The following GAD1 variants were observed in gnomAD, a reference collection of about 807,000 sequenced individuals.
GAD1 encodes 67 kDa glutamic acid decarboxylase.
A neutral mutation model predicts 75.2 loss-of-function variants in GAD1; 35 were observed. That is an observed-to-expected ratio of 0.47 (90% CI 0.36 to 0.62). GAD1 has a LOEUF of 0.62. Ranked by LOEUF, GAD1 falls within the 20% of genes least tolerant of loss-of-function variation. The probability of loss-of-function intolerance (pLI) is 0.00; values close to 1 mark genes in which losing one functional copy is unlikely to be tolerated. For synonymous variants in GAD1, 257 were observed against 271.9 expected (o/e 0.95, Z 0.54); for missense variants, 490 against 758.5 (o/e 0.65, Z 4.16).
Position 170,829,858 on chromosome 2 carries a change from T to C in GAD1, c.304+225T>C, listed in dbSNP as rs1295994506. On this transcript the variant is annotated intron_variant, in intron 4 of 16. Transcript: ENST00000358196. ...ACTGGATGAAGGCAGTCAATAAAAGTCAACTCTAAAGACACTCGAGGGAAC... is the reference window on the plus strand; with the variant it reads ...ACTGGATGAAGGCAGTCAATAAAAGCCAACTCTAAAGACACTCGAGGGAAC... 2.9e-5 allele frequency: 16 copies of C among 555,042 alleles called. No individual in the cohort carries two copies. In the East Asian group the frequency reaches 5.0e-4, roughly 17 times the overall value. 34.4% of individuals were successfully genotyped at this position (555,042 alleles called of 1,614,324 possible).
rs765098259 is a variant in GAD1, at chr2:170,845,486, A to G, written c.752-20A>G. On this transcript the variant is annotated intron_variant, in intron 7 of 16. Coordinates refer to ENST00000358196, the MANE Select transcript of GAD1 (RefSeq NM_000817.3). ...AATCAAAGAGCCCCAACACCTCCCA[A>G]TATGTCCGCTTGCTGACAGGGGGCG... is the stretch of plus-strand genomic sequence containing the variant. 3 of 1,603,482 alleles carry G rather than the reference A, an allele frequency of 1.9e-6. No homozygotes were observed. The highest frequency in any genetic ancestry group is 1.7e-6 in the Non-Finnish European group (2 of 1,171,464).
At position 170,828,076 on chromosome 2, in the gene GAD1, CTG is replaced by C. The variant is rs1245071368; in HGVS notation, c.146-1398_146-1397del. 7.6e-3 allele frequency among the ~76,000 whole-genome samples: 238 copies of C among 31,448 alleles called. 5 individuals are homozygous for C. Among genetic ancestry groups the C allele is most frequent in the African/African-American group, 0.042 (230 of 5,470 alleles). 20.6% of individuals were successfully genotyped at this position (31,448 alleles called of 152,430 possible). Reference sequence around the variant, plus strand: ...CCCTCCTCCTTCTGCTGTCCTCCCTCTGCTGTCCTCACCCCTCCTCCTTCTGC... The same window carrying C: ...CCCTCCTCCTTCTGCTGTCCTCCCTCCTGTCCTCACCCCTCCTCCTTCTGC... On this transcript the variant is annotated intron_variant, in intron 3 of 16. Coordinates refer to ENST00000358196, the MANE Select transcript of GAD1 (RefSeq NM_000817.3).
chr2:170,826,018 C>T (rs1702017206), intron 3 of GAD1, among the ~76,000 whole-genome samples: 1 of 152,188 alleles, frequency 6.6e-6, no homozygotes, highest in Admixed American at 6.5e-5. Context: ...CAGGGCCTCT[C>T]AGAGCCAAGG....
upstream of GAD1, among the ~76,000 whole-genome samples, chr2:170,814,236 A>G (rs776323607): frequency 1.6e-4 from 24 of 152,158 alleles, no homozygotes; most frequent in Non-Finnish European, 2.9e-4. Flanking sequence ...TCACCCCCCA[A>G]CTAGGCAAAA....
At chr2:170,836,972 T>C (rs1575436479) in intron 6 of GAD1, 89 bp downstream of exon 6, 1 of 899,816 alleles carries the variant, frequency 1.1e-6, no homozygotes. Flanking sequence ...TTCTATTTTA[T>C]TAAAGTTTCC....
rs45601834 is a variant in GAD1 at position 170,844,219 on chromosome 2, G to A, written c.751+62G>A. On this transcript the variant is annotated intron_variant, in intron 7 of 16. Coordinates refer to ENST00000358196, the MANE Select transcript of GAD1 (RefSeq NM_000817.3). ...GATTCTTAAGAATACAAAATATGAA[G>A]TAGGTTTATGGAAGAATAATGCCTT... 5,759 of 963,948 alleles carry A rather than the reference G, an allele frequency of 6.0e-3. 214 individuals are homozygous for A. In the African/African-American group the frequency reaches 0.082, roughly 14 times the overall value. The allele number at this position is 963,948 out of a possible 1,614,324, so 59.7% of individuals were successfully genotyped here.
chr2:170,856,561 T>C (rs1258256249), intron 14 of GAD1, among the ~76,000 whole-genome samples: 3 of 152,208 alleles, frequency 2.0e-5, no homozygotes, highest in Non-Finnish European at 4.4e-5. Flanking sequence ...GATTAATTGT[T>C]AGAAAAATGA....
intron 6 of GAD1, chr2:170,842,753 C>G (rs988266071): frequency 6.5e-6 from 10 of 1,530,362 alleles, no homozygotes; most frequent in African/African-American, 1.4e-5. Flanking sequence ...ATACTTCTAC[C>G]AACATATCTG....
chr2:170,844,335 T>A (rs2105798078), intron 7 of GAD1, among the ~76,000 whole-genome samples, 178 bp downstream of exon 7: 1 of 152,252 alleles, frequency 6.6e-6, no homozygotes, highest in South Asian at 2.1e-4. Flanking sequence ...TAACAAAGGC[T>A]ATGCTTAAAT....
Position 170,857,011 on chromosome 2 carries a change from A to G in GAD1, c.1414-7A>G, listed in dbSNP as rs935452467. On this transcript the variant is annotated splice_polypyrimidine_tract_variant and splice_region_variant and intron_variant, in intron 14 of 16. Coordinates refer to ENST00000358196, the MANE Select transcript of GAD1 (RefSeq NM_000817.3). ...AACCACAAACATGACTTTTCTCTTT[A>G]AAACAGGGCACAGTGGGATTTGAAA... The G allele has an allele frequency of 3.7e-6, 6 of 1,611,746 alleles. No homozygotes were observed. The highest frequency in any genetic ancestry group is 3.4e-6 in the Non-Finnish European group (4 of 1,177,978).
Position 170,830,955 on chromosome 2 carries a change from C to T in GAD1, c.310C>T (p.Leu104Phe), listed in dbSNP as rs1463708224. Residue 104 changes from leucine (L) to phenylalanine (F), a missense_variant, in exon 5 of 17, where the codon CTT becomes TTT. Around this residue, in one of 3 missense-constraint regions of GAD1, gnomAD observed 165 missense variants for 216.4 expected, o/e 0.76. Transcript: ENST00000358196. ...CATTGCTCTCCCCAATTCAGATCTGCTTCCGGCTAAGAACGGTGAGGAGCA... is the reference window on the plus strand; with the variant it reads ...CATTGCTCTCCCCAATTCAGATCTGTTTCCGGCTAAGAACGGTGAGGAGCA... ...DFSNLFARDL[L>F]PAKNGEEQTV... The T allele has an allele frequency of 1.2e-6, 2 of 1,614,204 alleles. No individual in the cohort carries two copies. Among genetic ancestry groups the T allele is most frequent in the Non-Finnish European group, 1.7e-6 (2 of 1,180,036 alleles).
chr2:170,858,768 C>T (rs201227203), intron 15 of GAD1, 36 bp from the exon 16 acceptor site: 76 of 1,595,020 alleles, frequency 4.8e-5, no homozygotes, highest in Non-Finnish European at 6.3e-5. Flanking sequence ...TCAAGTTATC[C>T]TAATTTTCTT....
upstream of GAD1, chr2:170,813,558 C>CA (rs1008395348): frequency 1.0e-4 from 16 of 154,052 alleles, no homozygotes; most frequent in East Asian, 1.8e-4. Context: ...CTAATTGCGT[C>CA]AAAAAAAATT....
intron 15 of GAD1, 117 bp downstream of exon 15, chr2:170,857,242 A>G (rs542787864): frequency 4.0e-6 from 3 of 749,960 alleles, no homozygotes; most frequent in East Asian, 5.2e-5. Flanking sequence ...ACTGCTTCAA[A>G]ATTTTTATTC....
chr2:170,829,876 G>C (rs1051823697), intron 4 of GAD1: 1 of 514,562 alleles, frequency 1.9e-6, no homozygotes, highest in African/African-American at 1.9e-5. Flanking sequence ...AAAGACACTC[G>C]AGGGAACAAA....
Position 170,818,937 on chromosome 2 carries a change from G to A in GAD1, c.82+264G>A, listed in dbSNP as rs1263420207. ...GGGCTTCGCGGAGGAGGAGGGGCGCGCAGCCAGGGTGTTGTTTTTATTCTG... is the reference window on the plus strand; with the variant it reads ...GGGCTTCGCGGAGGAGGAGGGGCGCACAGCCAGGGTGTTGTTTTTATTCTG... On this transcript the variant is annotated intron_variant, in intron 2 of 16. Coordinates refer to ENST00000358196, the MANE Select transcript of GAD1 (RefSeq NM_000817.3). The surrounding 1 kb of genome is among the most constrained non-coding windows in gnomAD (Gnocchi z 5.9). Among the ~76,000 whole-genome samples the A allele has an allele frequency of 6.6e-6, 1 of 152,142 alleles. No homozygotes were observed. Among genetic ancestry groups the A allele is most frequent in the Non-Finnish European group, 1.5e-5 (1 of 68,014 alleles).
At chr2:170,850,685 C>T (rs181720051) in intron 12 of GAD1, among the ~76,000 whole-genome samples, 12 of 152,244 alleles carry the variant, frequency 7.9e-5, no homozygotes, top group Non-Finnish European at 1.2e-4. Context: ...TGGGTGAGAC[C>T]GGCTCTGTGA....
At chr2:170,846,117 C>A in intron 10 of GAD1, 54 bp downstream of exon 10, 1 of 1,415,174 alleles carries the variant, frequency 7.1e-7, no homozygotes, top group Non-Finnish European at 1.0e-6. Flanking sequence ...TTCTTTCTGT[C>A]CTAGACAAAA....
rs749827641 is a variant in GAD1 at position 170,853,833 on chromosome 2, T to C, written c.1264-40T>C. On this transcript the variant is annotated intron_variant, in intron 13 of 16. Transcript: ENST00000358196. This position sits in a 1 kb window ranked among gnomAD's most constrained non-coding sequence, Gnocchi z 4.1. ...GTTTTAAAGCCACCCACATCTCTGA[T>C]GTGTAAATGCAGATGCACCCATCTT... The C allele has an allele frequency of 1.9e-6, 3 of 1,611,428 alleles. No homozygotes were observed. The highest frequency in any genetic ancestry group is 1.1e-5 in the South Asian group (1 of 91,008).
Sources: gnomAD v4.1 joint callset for allele counts (sites outside exome capture counted in the v4.1 genomes callset) on GRCh38, gnomAD v4.1.1 for gene constraint, gnomAD v4.1.1 regional missense constraint, Gnocchi (gnomAD v3.1) non-coding constraint, MANE v1.5 for transcripts, NCBI Gene and HGNC (gene_info 2026-07-23, HGNC 2026-07-21) for gene names.